The following SIL1 variants were observed in gnomAD, a reference collection of about 807,000 sequenced individuals.
SIL1 encodes SIL1 nucleotide exchange factor.
SIL1 carries 40 observed loss-of-function variants against 49.1 expected under a neutral mutation model. That is an observed-to-expected ratio of 0.81 (90% CI 0.63 to 1.06). SIL1 has a LOEUF of 1.06. Ranked by LOEUF, SIL1 falls within the 50% of genes least tolerant of loss-of-function variation. The pLI is 0.00. For synonymous variants in SIL1, 253 were observed against 250.8 expected, an observed-to-expected ratio of 1.01 and a Z score of -0.08; for missense variants, 500 against 572.6, an observed-to-expected ratio of 0.87 and a Z score of 1.29.
intron 1 of SIL1, among the ~76,000 whole-genome samples, chr5:139,137,976 T>C (rs1055121659): frequency 6.6e-5 from 10 of 151,680 alleles, no homozygotes; most frequent in African/African-American, 2.2e-4. Context: ...AGCCAAGGCA[T>C]AGGCACAGGC....
chr5:139,148,640 C>T (rs576192334), intron 1 of SIL1, among the ~76,000 whole-genome samples: 14 of 152,336 alleles, frequency 9.2e-5, no homozygotes, highest in African/African-American at 3.4e-4. Context: ...ACGCTCTGAA[C>T]CCAATCCCAC....
At chr5:139,125,698 A>G (rs1410255925) in intron 2 of SIL1, among the ~76,000 whole-genome samples, 1 of 152,248 alleles carries the variant, frequency 6.6e-6, no homozygotes, top group African/African-American at 2.4e-5. Flanking sequence ...CAGATTAGGA[A>G]ACAAAGCTCA....
intron 3 of SIL1, chr5:139,108,148 A>T (rs960674097): frequency 6.6e-6 from 1 of 152,062 alleles, no homozygotes; most frequent in Non-Finnish European, 1.5e-5. Context: ...ACGACGAAAT[A>T]CTCCACTTGA....
At chr5:139,082,404 T>A (rs552748910) in intron 3 of SIL1, among the ~76,000 whole-genome samples, 12 of 152,250 alleles carry the variant, frequency 7.9e-5, no homozygotes, top group Admixed American at 2.0e-4. Flanking sequence ...TGACTAGCTG[T>A]CAACACCTTC....
Position 138,946,881 on chromosome 5 carries a change from C to G in SIL1, c.*236G>C, listed in dbSNP as rs1580971055. The G allele has an allele frequency of 1.2e-5, 7 of 566,756 alleles. No homozygotes were observed. In the South Asian group the frequency reaches 1.4e-4, roughly 11 times the overall value. 35.1% of individuals were successfully genotyped at this position (566,756 alleles called of 1,614,324 possible). ...CTGCCCTGGAGCCTGTTCCTGGATGCCCTGGGCTGAGCCCTGCACGTCAGC... is the reference window on the plus strand; with the variant it reads ...CTGCCCTGGAGCCTGTTCCTGGATGGCCTGGGCTGAGCCCTGCACGTCAGC... On this transcript the variant is annotated 3_prime_UTR_variant, in exon 10 of 10. Coordinates refer to ENST00000394817, the MANE Select transcript of SIL1 (RefSeq NM_022464.5).
At chr5:139,094,094 G>C (rs1257884569) in intron 3 of SIL1, among the ~76,000 whole-genome samples, 4 of 152,172 alleles carry the variant, frequency 2.6e-5, no homozygotes, top group African/African-American at 9.7e-5. Context: ...TGCTGATGGA[G>C]TGAACACATC....
chr5:139,169,862 CCT>C (rs1561888536), intron 1 of SIL1, among the ~76,000 whole-genome samples: 1 of 83,130 alleles, frequency 1.2e-5, no homozygotes, highest in Non-Finnish European at 3.7e-5. Context: ...TCTCCCTCTC[CCT>C]CTTTCCACGG....
chr5:139,016,494 GAGA>G (rs1402843979), intron 7 of SIL1, among the ~76,000 whole-genome samples: 3 of 152,148 alleles, frequency 2.0e-5, no homozygotes, highest in Admixed American at 1.3e-4. Context: ...AATGAAAAGA[GAGA>G]AGGAGGACAA....
intron 1 of SIL1, among the ~76,000 whole-genome samples, chr5:139,184,483 G>A (rs771452433): frequency 1.3e-5 from 2 of 151,972 alleles, no homozygotes; most frequent in South Asian, 2.1e-4. Flanking sequence ...GACCAGCCTC[G>A]GAAACATAGC....
At chr5:139,157,689 T>C (rs1345531880) in intron 1 of SIL1, among the ~76,000 whole-genome samples, 1 of 152,246 alleles carries the variant, frequency 6.6e-6, no homozygotes, top group Admixed American at 6.5e-5. Context: ...CACAGCAGTA[T>C]GTTTTGTAAA....
intron 3 of SIL1, among the ~76,000 whole-genome samples, chr5:139,073,022 G>T (rs1403184637): frequency 2.6e-5 from 4 of 152,204 alleles, no homozygotes. Flanking sequence ...CCAGACACCT[G>T]TCAGAATGGC....
rs1212962024 is a variant in SIL1 at position 139,055,619 on chromosome 5, C to T, written c.245-4573G>A. On this transcript the variant is annotated intron_variant, in intron 3 of 9. Transcript: ENST00000394817. ...CCCTCTCCCTCTCCCTCTCCCTCTC[C>T]CCCTCTCCCCCTCTCCCCCTCTCCC... 7.2e-4 allele frequency among the ~76,000 whole-genome samples: 68 copies of T among 93,802 alleles called. 3 individuals are homozygous for T. The highest frequency in any genetic ancestry group is 4.8e-3 in the African/African-American group (66 of 13,756). The allele number at this position is 93,802 out of a possible 152,430, so 61.5% of individuals were successfully genotyped here.
chr5:139,145,660 GTGTGTGTGTGTGTGTGTGTGTA>G (rs1036104418), intron 1 of SIL1, among the ~76,000 whole-genome samples: 5 of 134,986 alleles, frequency 3.7e-5, no homozygotes, highest in African/African-American at 1.6e-4. Flanking sequence ...GTGTGTGTGT[GTGTGTGTGTGTGTGTGTGTGTA>G]TTTCCAATGG....
intron 1 of SIL1, among the ~76,000 whole-genome samples, chr5:139,191,355 T>C (rs1049552862): frequency 6.6e-6 from 1 of 152,120 alleles, no homozygotes; most frequent in Non-Finnish European, 1.5e-5. Context: ...TCTGTATCGA[T>C]TGTCCTACTT....
intron 7 of SIL1, among the ~76,000 whole-genome samples, chr5:138,957,813 A>G (rs865798349): frequency 6.6e-6 from 1 of 152,212 alleles, no homozygotes; most frequent in African/African-American, 2.4e-5. Context: ...AGTGATCAAA[A>G]TCAGGAAACT....
At chr5:138,961,589 C>T (rs1767020223) in intron 7 of SIL1, among the ~76,000 whole-genome samples, 1 of 151,964 alleles carries the variant, frequency 6.6e-6, no homozygotes. Context: ...TTTCCCAGGT[C>T]TCACCCATCT....
At chr5:139,063,224 G>A (rs1443731655) in intron 3 of SIL1, among the ~76,000 whole-genome samples, 1 of 152,246 alleles carries the variant, frequency 6.6e-6, no homozygotes, top group Non-Finnish European at 1.5e-5. Flanking sequence ...GAATCTTGTT[G>A]TGGCCCTGCC....
rs770819703 is a variant in SIL1, at chr5:139,042,730, A to G, written c.354-11T>C. 29 of 1,613,248 alleles carry G rather than the reference A, an allele frequency of 1.8e-5. 1 individual carries two copies. In the South Asian group the frequency reaches 2.9e-4, roughly 16 times the overall value. On this transcript the variant is annotated splice_polypyrimidine_tract_variant and intron_variant, in intron 4 of 9. Coordinates refer to ENST00000394817, the MANE Select transcript of SIL1 (RefSeq NM_022464.5). Reference sequence around the variant, plus strand: ...GTGTTGATATCCAGCCTGTCCAAAGAAAACTGAGAGTAAAGAGGGAGGCAT... The same window carrying G: ...GTGTTGATATCCAGCCTGTCCAAAGGAAACTGAGAGTAAAGAGGGAGGCAT...
chr5:139,089,984 GAATA>G (rs1400461348), intron 3 of SIL1, among the ~76,000 whole-genome samples: 2 of 151,988 alleles, frequency 1.3e-5, no homozygotes, highest in Non-Finnish European at 2.9e-5. Flanking sequence ...GTAAGAAAAA[GAATA>G]AAGAAAAACT....
Sources: allele counts gnomAD v4.1 joint callset (sites outside exome capture counted in the v4.1 genomes callset), GRCh38; gene constraint gnomAD v4.1.1; transcripts MANE v1.5; gene names NCBI Gene and HGNC (gene_info 2026-07-23, HGNC 2026-07-21).